The following URI1 variants were observed in gnomAD, a reference collection of about 807,000 sequenced individuals.
URI1 encodes the protein URI1 prefoldin like chaperone, also known as unconventional prefoldin RPB5 interactor 1.
A neutral mutation model predicts 60.2 loss-of-function variants in URI1; 39 were observed. The observed-to-expected ratio is 0.65, with a 90% CI of 0.50 to 0.85. The LOEUF is 0.85. Ranked by LOEUF, URI1 falls within the 40% of genes least tolerant of loss-of-function variation. The pLI is 0.00. For missense variants in URI1, 691 were observed against 665.9 expected (o/e 1.04, Z -0.42); for synonymous variants, 251 against 236.8 (o/e 1.06, Z -0.55).
intron 4 of URI1, among the ~76,000 whole-genome samples, chr19:29,996,797 GT>G (rs879938390): frequency 1.0e-4 from 15 of 146,314 alleles, no homozygotes; most frequent in South Asian, 4.3e-4. Flanking sequence ...AATTTATTGA[GT>G]TTTTTTTTTT....
chr19:29,997,098 T>C (rs2055821986), intron 4 of URI1, among the ~76,000 whole-genome samples: 1 of 152,164 alleles, frequency 6.6e-6, no homozygotes, highest in African/African-American at 2.4e-5. Flanking sequence ...GCTCACAGAA[T>C]GTGTTCCCTC....
At chr19:30,008,892 T>TA in intron 7 of URI1, 113 bp from the exon 8 acceptor site, 1 of 890,630 alleles carries the variant, frequency 1.1e-6, no homozygotes, top group Non-Finnish European at 1.6e-6. Flanking sequence ...ATTCTAGTTT[T>TA]AAAAATACTT....
At chr19:29,984,157 G>A (rs908826576) in intron 2 of URI1, among the ~76,000 whole-genome samples, 2 of 152,182 alleles carry the variant, frequency 1.3e-5, no homozygotes, top group Admixed American at 1.3e-4. Context: ...CGGGTGTGGT[G>A]GCTCATGCCT....
At chr19:29,932,669 T>TC (rs2054932265) in intron 1 of URI1, among the ~76,000 whole-genome samples, 2 of 149,998 alleles carry the variant, frequency 1.3e-5, no homozygotes, top group African/African-American at 2.5e-5. Flanking sequence ...TTTTTTTTTT[T>TC]AGACTGAGTT....
At chr19:29,955,948 T>G (rs1046959989) in intron 1 of URI1, among the ~76,000 whole-genome samples, 1 of 152,092 alleles carries the variant, frequency 6.6e-6, no homozygotes. Flanking sequence ...GTAGTTCCAC[T>G]TTGTTCCTCT....
intron 4 of URI1, among the ~76,000 whole-genome samples, chr19:30,002,045 CAAAAG>C (rs994855186): frequency 2.0e-5 from 3 of 151,760 alleles, no homozygotes; most frequent in Non-Finnish European, 4.4e-5. Context: ...TTCCAGCACA[CAAAAG>C]AAACGAGGTT....
rs185305283 is a variant in URI1, at chr19:30,006,257, C to T, written c.517+549C>T. ...GTTTACTTCTGTAAAGCCAATGGTT[C>T]CTTCGTCAGTTGTAAAGTGTTAACG... On this transcript the variant is annotated intron_variant, in intron 6 of 10. Coordinates refer to ENST00000392271, the MANE Select transcript of URI1 (RefSeq NM_003796.3). Among the ~76,000 whole-genome samples the T allele has an allele frequency of 2.9e-3, 436 of 152,182 alleles. 2 individuals carry two copies. Among genetic ancestry groups the T allele is most frequent in the African/African-American group, 1.0e-2 (415 of 41,522 alleles).
chr19:29,976,932 T>C (rs1397422708), intron 2 of URI1, among the ~76,000 whole-genome samples: 2 of 152,204 alleles, frequency 1.3e-5, no homozygotes, highest in Non-Finnish European at 2.9e-5. Flanking sequence ...TAAAACACTT[T>C]GGCATGTGAG....
intron 1 of URI1, among the ~76,000 whole-genome samples, chr19:29,950,052 C>T (rs2055160466): frequency 6.6e-6 from 1 of 152,206 alleles, no homozygotes; most frequent in Non-Finnish European, 1.5e-5. Context: ...TTTCAGAACT[C>T]ATTACTTGTA....
At chr19:29,926,664 T>C (rs2054870831) in intron 1 of URI1, among the ~76,000 whole-genome samples, 1 of 152,250 alleles carries the variant, frequency 6.6e-6, no homozygotes, top group South Asian at 2.1e-4. Flanking sequence ...ATTTGTGCAC[T>C]TTTCTGCATA....
At chr19:29,968,068 T>C (rs1247966447) in intron 1 of URI1, among the ~76,000 whole-genome samples, 1 of 152,220 alleles carries the variant, frequency 6.6e-6, no homozygotes, top group Non-Finnish European at 1.5e-5. Context: ...CTCATAGTTC[T>C]TTTTCTTTAC....
intron 4 of URI1, among the ~76,000 whole-genome samples, chr19:29,993,950 A>T (rs765506680): frequency 2.0e-5 from 3 of 151,946 alleles, no homozygotes; most frequent in Non-Finnish European, 4.4e-5. Flanking sequence ...TTTCATGGCT[A>T]TATAGTATTA....
intron 1 of URI1, among the ~76,000 whole-genome samples, chr19:29,932,509 G>T (rs1244270965): frequency 6.6e-6 from 1 of 151,560 alleles, no homozygotes; most frequent in Non-Finnish European, 1.5e-5. Flanking sequence ...TAGAGATGGG[G>T]TTTCACCATA....
intron 2 of URI1, among the ~76,000 whole-genome samples, chr19:29,981,058 G>A (rs2055591694): frequency 6.6e-6 from 1 of 150,830 alleles, no homozygotes; most frequent in Non-Finnish European, 1.5e-5. Flanking sequence ...TTATTTAAAG[G>A]TTGGAGTCTT....
Position 29,961,689 on chromosome 19 carries a change from TTG to T in URI1, c.118-9502_118-9501del, listed in dbSNP as rs1178988509. Reference sequence around the variant, plus strand: ...CTTTTTTTTTTGTTTTTTTTTTTTTTTGTTGTTTGTTTTGAGATGGAGTTTCA... The same window carrying T: ...CTTTTTTTTTTGTTTTTTTTTTTTTTTTGTTTGTTTTGAGATGGAGTTTCA... On this transcript the variant is annotated intron_variant, in intron 1 of 10. Coordinates refer to ENST00000392271, the MANE Select transcript of URI1 (RefSeq NM_003796.3). Among the ~76,000 whole-genome samples, 287 of 146,194 alleles carry T rather than the reference TTG, an allele frequency of 2.0e-3. 2 individuals are homozygous for T. Among genetic ancestry groups the T allele is most frequent in the African/African-American group, 7.3e-3 (268 of 36,854 alleles).
chr19:29,924,904 C>T (rs1056006550), intron 1 of URI1, among the ~76,000 whole-genome samples: 1 of 151,878 alleles, frequency 6.6e-6, no homozygotes, highest in Non-Finnish European at 1.5e-5. Flanking sequence ...AGTGTGATCT[C>T]GGTTCACTGC....
chr19:29,930,642 G>A (rs2054908604), intron 1 of URI1, among the ~76,000 whole-genome samples: 1 of 151,882 alleles, frequency 6.6e-6, no homozygotes, highest in South Asian at 2.1e-4. Context: ...TATTTTCTGG[G>A]CTCTTTATTC....
At chr19:29,933,038 C>T (rs568896137) in intron 1 of URI1, among the ~76,000 whole-genome samples, 34 of 152,258 alleles carry the variant, frequency 2.2e-4, no homozygotes, top group South Asian at 4.1e-4. Flanking sequence ...CTTACAAATA[C>T]GCTGCCAAAT....
chr19:30,011,268 G>A, intron 9 of URI1, 32 bp downstream of exon 9: 1 of 1,560,614 alleles, frequency 6.4e-7, no homozygotes, highest in South Asian at 1.2e-5. Flanking sequence ...AGGGCAGTCT[G>A]CTGGGCTTGC....
Sources: allele counts gnomAD v4.1 joint callset (sites outside exome capture counted in the v4.1 genomes callset), GRCh38; gene constraint gnomAD v4.1.1; transcripts MANE v1.5; gene names NCBI Gene and HGNC (gene_info 2026-07-23, HGNC 2026-07-21).